The following CCR3 variants were observed in gnomAD, a reference collection of about 807,000 sequenced individuals.
CCR3 encodes C-C chemokine receptor type 3.
For synonymous variants in CCR3, 203 were observed against 179.2 expected (o/e 1.13, Z -1.06); for missense variants, 419 against 437.5 (o/e 0.96, Z 0.38).
chr3:46,228,646 G>C (rs1699929776), intron 2 of CCR3, among the ~76,000 whole-genome samples: 1 of 152,334 alleles, frequency 6.6e-6, no homozygotes, highest in African/African-American at 2.4e-5. Flanking sequence ...GGTTTGTTCT[G>C]CCCAATGTTA....
chr3:46,221,367 T>C (rs1254028796), intron 2 of CCR3, among the ~76,000 whole-genome samples: 2 of 152,262 alleles, frequency 1.3e-5, no homozygotes, highest in Non-Finnish European at 2.9e-5. Context: ...TCTGAGTTTA[T>C]ATAAATCTTT....
chr3:46,244,320 G>A (rs1219127168), intron 1 of CCR3, among the ~76,000 whole-genome samples: 1 of 152,222 alleles, frequency 6.6e-6, no homozygotes, highest in African/African-American at 2.4e-5. Flanking sequence ...TAGGTGAAAG[G>A]TAAAGAAGTT....
intron 2 of CCR3, among the ~76,000 whole-genome samples, chr3:46,211,810 A>G (rs376356659): frequency 9.2e-5 from 14 of 152,112 alleles, no homozygotes; most frequent in African/African-American, 3.1e-4. Context: ...ACTGAACCTC[A>G]TACCCAGAAG....
At chr3:46,227,462 C>T (rs1699914781) in intron 2 of CCR3, among the ~76,000 whole-genome samples, 1 of 151,580 alleles carries the variant, frequency 6.6e-6, no homozygotes, top group Admixed American at 6.6e-5. Context: ...CTTTTTTTCT[C>T]TTGCATCCCT....
chr3:46,228,452 G>C (rs530509925), intron 2 of CCR3, among the ~76,000 whole-genome samples: 1 of 152,126 alleles, frequency 6.6e-6, no homozygotes, highest in African/African-American at 2.4e-5. Context: ...TGTATCTGTG[G>C]TGCACATGTC....
At chr3:46,239,374 A>G (rs1027109319), upstream of CCR3, among the ~76,000 whole-genome samples, 3 of 152,236 alleles carry the variant, frequency 2.0e-5, no homozygotes, top group African/African-American at 4.8e-5. Flanking sequence ...GCTTTGTTAT[A>G]GTTTTAACTC....
chr3:46,250,575 C>A (rs184157328), intron 1 of CCR3, among the ~76,000 whole-genome samples: 1 of 152,050 alleles, frequency 6.6e-6, no homozygotes, highest in Non-Finnish European at 1.5e-5. Context: ...ATGGAGAAAT[C>A]GAAAGTGCCA....
intron 1 of CCR3, chr3:46,263,452 C>T (rs754856943): frequency 6.4e-6 from 1 of 155,234 alleles, no homozygotes; most frequent in Non-Finnish European, 1.5e-5. Flanking sequence ...ACACACAAAC[C>T]ATTTGTTCCT....
intron 2 of CCR3, among the ~76,000 whole-genome samples, chr3:46,213,980 C>G (rs751686594): frequency 6.6e-6 from 1 of 152,192 alleles, no homozygotes; most frequent in African/African-American, 2.4e-5. Context: ...AAATTTTGGT[C>G]CTAGTTAGAT....
chr3:46,265,561 A>G lies in CCR3; in HGVS notation c.403A>G (p.Ile135Val), dbSNP rs1700608516. 1 of 1,614,106 alleles carries G rather than the reference A, an allele frequency of 6.2e-7. No individual in the cohort carries two copies. The highest frequency in any genetic ancestry group is 8.5e-7 in the Non-Finnish European group (1 of 1,180,002). The change falls in exon 2 of 2, where the codon ATT becomes GTT. Residue 135 changes from isoleucine to valine, a missense_variant. Transcript: ENST00000395940. ...GCTGACAATCGACAGGTACCTGGCC[A>G]TTGTCCATGCTGTGTTTGCCCTTCG... is the stretch of plus-strand genomic sequence containing the variant. ...ILLTIDRYLA[I>V]VHAVFALRAR...
upstream of CCR3, among the ~76,000 whole-genome samples, chr3:46,240,433 T>C (rs747700370): frequency 6.6e-6 from 1 of 152,068 alleles, no homozygotes; most frequent in Non-Finnish European, 1.5e-5. Context: ...TAGCTCTACT[T>C]CCTTTTTCCT....
chr3:46,217,126 C>A, intron 2 of CCR3, among the ~76,000 whole-genome samples: 1 of 152,124 alleles, frequency 6.6e-6, no homozygotes, highest in East Asian at 1.9e-4. Flanking sequence ...GAAGACATTC[C>A]ATGCAAATGG....
intron 2 of CCR3, among the ~76,000 whole-genome samples, chr3:46,224,739 A>T (rs1322345578): frequency 6.7e-6 from 1 of 150,220 alleles, no homozygotes; most frequent in Non-Finnish European, 1.5e-5. Context: ...TCTGTCAAAA[A>T]AAAAAAAAAA....
At position 46,265,634 on chromosome 3, in the gene CCR3, G is replaced by A. The variant is rs777190797; in HGVS notation, c.476G>A (p.Gly159Asp). Residue 159 changes from glycine (G) to aspartate (D), a missense_variant, in exon 2 of 2, where the codon GGC becomes GAC. Transcript: ENST00000395940. ...GTCATCACCAGCATCGTCACCTGGGGCCTGGCAGTGCTAGCAGCTCTTCCT... is the reference window on the plus strand; with the variant it reads ...GTCATCACCAGCATCGTCACCTGGGACCTGGCAGTGCTAGCAGCTCTTCCT... ...FGVITSIVTW[G>D]LAVLAALPEF... 71 of 1,614,002 alleles carry A rather than the reference G, an allele frequency of 4.4e-5. No individual in the cohort carries two copies. The Admixed American group carries it at 1.2e-3, about 27-fold the overall frequency.
At chr3:46,246,448 G>A (rs754428345) in intron 1 of CCR3, among the ~76,000 whole-genome samples, 2 of 152,018 alleles carry the variant, frequency 1.3e-5, no homozygotes, top group African/African-American at 4.8e-5. Flanking sequence ...GTCAAAGGGG[G>A]TTTGTTCTCT....
At chr3:46,250,132 T>G (rs1323138627) in intron 1 of CCR3, among the ~76,000 whole-genome samples, 2 of 152,018 alleles carry the variant, frequency 1.3e-5, no homozygotes, top group Non-Finnish European at 2.9e-5. Context: ...GCTTCTGATT[T>G]GGGATAAAGA....
chr3:46,217,994 CAA>C (rs59770913), intron 2 of CCR3, among the ~76,000 whole-genome samples: 3 of 145,206 alleles, frequency 2.1e-5, no homozygotes, highest in East Asian at 4.1e-4. Flanking sequence ...CTGAAACAAA[CAA>C]AAAAAAAATA....
chr3:46,265,686 G>T lies in CCR3; in HGVS notation c.528G>T (p.Glu176Asp). The T allele has an allele frequency of 6.2e-7, 1 of 1,614,116 alleles. No individual in the cohort carries two copies. Among genetic ancestry groups the T allele is most frequent in the Non-Finnish European group, 8.5e-7 (1 of 1,180,018 alleles). Residue 176 changes from glutamate to aspartate, a missense_variant, in exon 2 of 2, where the codon GAG (glutamate) becomes GAT (aspartate). Physicochemically the swap from Glu to Asp is conservative, Grantham distance 45. Coordinates refer to ENST00000395940, the MANE Select transcript of CCR3 (RefSeq NM_178329.3). ...LPEFIFYETE[E>D]LFEETLCSAL... The stretch of plus-strand genomic sequence containing the variant: ...AATTTATCTTCTATGAGACTGAAGA[G>T]TTGTTTGAAGAGACTCTTTGCAGTG...
At chr3:46,240,789 C>T (rs1700073594), upstream of CCR3, among the ~76,000 whole-genome samples, 1 of 152,128 alleles carries the variant, frequency 6.6e-6, no homozygotes, top group Non-Finnish European at 1.5e-5. Context: ...CATCATTTTG[C>T]AGTAGAGCAC....
Sources: gnomAD v4.1 joint callset for allele counts (sites outside exome capture counted in the v4.1 genomes callset) on GRCh38, gnomAD v4.1.1 for gene constraint, MANE v1.5 for transcripts, NCBI Gene and HGNC (gene_info 2026-07-23, HGNC 2026-07-21) for gene names.